Variants in TUT4 observed in about 807,000 individuals in gnomAD.
TUT4 encodes terminal uridylyl transferase 4, also known as terminal uridylyltransferase 4.
A neutral mutation model predicts 192.2 loss-of-function variants in TUT4; 36 were observed. The ratio of observed to expected loss-of-function variants is 0.19; its 90% CI spans 0.14 to 0.25. The LOEUF is 0.25. TUT4 is among the 10% of genes least tolerant of loss of function. TUT4 has a pLI of 1.00. For missense variants in TUT4, 1,493 were observed against 1,957.2 expected, an observed-to-expected ratio of 0.76 and a Z score of 4.47; for synonymous variants, 618 against 666.0, an observed-to-expected ratio of 0.93 and a Z score of 1.11.
chr1:52,538,348 G>C (rs562187148), intron 1 of TUT4, among the ~76,000 whole-genome samples: 1 of 152,112 alleles, frequency 6.6e-6, no homozygotes, highest in African/African-American at 2.4e-5. Context: ...ACAAATAAAT[G>C]CTCTTGTTTT....
chr1:52,512,987 G>A (rs774918529), intron 3 of TUT4, among the ~76,000 whole-genome samples: 7 of 151,980 alleles, frequency 4.6e-5, no homozygotes, highest in Non-Finnish European at 7.4e-5. Context: ...GCCAGTTGTG[G>A]TAGCGCATGC....
At chr1:52,471,786 T>C (rs1179253683) in intron 14 of TUT4, among the ~76,000 whole-genome samples, 166 bp downstream of exon 14, 2 of 147,838 alleles carry the variant, frequency 1.4e-5, no homozygotes, top group East Asian at 3.8e-4. Context: ...GCATTTACCA[T>C]GATGCCCTGC....
chr1:52,519,878 G>T (rs1470801093), intron 2 of TUT4, among the ~76,000 whole-genome samples: 1 of 151,910 alleles, frequency 6.6e-6, no homozygotes, highest in Non-Finnish European at 1.5e-5. Context: ...ACTTTAAAAG[G>T]ATGAATTTTA....
intron 3 of TUT4, among the ~76,000 whole-genome samples, chr1:52,511,322 G>C (rs763362560): frequency 6.6e-6 from 1 of 152,166 alleles, no homozygotes; most frequent in Non-Finnish European, 1.5e-5. Context: ...AATGAATTAA[G>C]TCCTCAAAGA....
chr1:52,483,984 A>G (rs1420307429), intron 9 of TUT4, among the ~76,000 whole-genome samples: 1 of 152,062 alleles, frequency 6.6e-6, no homozygotes, highest in African/African-American at 2.4e-5. Context: ...GTCTCTAAAA[A>G]TATATATAAT....
chr1:52,513,393 C>CAAAAAAAAAAAAAAAAAAA (rs554170439), intron 3 of TUT4, among the ~76,000 whole-genome samples: 7 of 42,116 alleles, frequency 1.7e-4, no homozygotes, highest in African/African-American at 8.7e-4. Flanking sequence ...GACCCTGTCT[C>CAAAAAAAAAAAAAAAAAAA]AAAAAAAAAA....
chr1:52,534,507 A>G (rs779204087), intron 1 of TUT4, among the ~76,000 whole-genome samples: 83 of 152,242 alleles, frequency 5.5e-4, no homozygotes, highest in Admixed American at 1.4e-3. Context: ...ATAAAACTGC[A>G]TATTTGAAAT....
chr1:52,436,091 TAAC>T (rs1295259082), intron 26 of TUT4, among the ~76,000 whole-genome samples: 5 of 152,172 alleles, frequency 3.3e-5, no homozygotes, highest in Non-Finnish European at 5.9e-5. Context: ...CCTTCTCTCA[TAAC>T]AGCAGTGGGA....
intron 28 of TUT4, 98 bp downstream of exon 28, chr1:52,430,915 C>G (rs1189233418): frequency 5.8e-6 from 8 of 1,370,748 alleles, no homozygotes; most frequent in Non-Finnish European, 7.9e-6. Context: ...GTCCCCTCCA[C>G]AAATACTGCT....
chr1:52,499,386 A>G (rs1216875401), intron 4 of TUT4, among the ~76,000 whole-genome samples: 1 of 152,142 alleles, frequency 6.6e-6, no homozygotes. Context: ...CAACAGAGCA[A>G]GACTCTGTCT....
At chr1:52,535,794 A>G (rs1333189436) in intron 1 of TUT4, among the ~76,000 whole-genome samples, 2 of 152,214 alleles carry the variant, frequency 1.3e-5, no homozygotes, top group East Asian at 1.9e-4. Context: ...TAACTCATCA[A>G]ACAAAAGTTA....
intron 1 of TUT4, among the ~76,000 whole-genome samples, chr1:52,548,256 CAATT>C (rs779103103): frequency 2.0e-5 from 3 of 151,932 alleles, no homozygotes; most frequent in Non-Finnish European, 2.9e-5. Flanking sequence ...AATGACTGGT[CAATT>C]AAATTATTTA....
At chr1:52,496,270 C>T (rs1233420214) in intron 5 of TUT4, among the ~76,000 whole-genome samples, 2 of 152,114 alleles carry the variant, frequency 1.3e-5, no homozygotes, top group South Asian at 2.1e-4. Context: ...CATAAAAATT[C>T]ATTCCTTTTC....
chr1:52,451,081 C>T (rs573098923), intron 20 of TUT4, among the ~76,000 whole-genome samples: 106 of 151,894 alleles, frequency 7.0e-4, no homozygotes, highest in Admixed American at 6.0e-3. Context: ...CTGGCTAACA[C>T]GGTGAAACCC....
At chr1:52,520,495 T>C (rs944511977) in intron 2 of TUT4, among the ~76,000 whole-genome samples, 4 of 152,156 alleles carry the variant, frequency 2.6e-5, no homozygotes, top group African/African-American at 9.7e-5. Flanking sequence ...TCAGGCCTTA[T>C]CCTAGGCTTT....
chr1:52,531,656 A>G (rs1359288163), intron 1 of TUT4, among the ~76,000 whole-genome samples: 3 of 152,144 alleles, frequency 2.0e-5, no homozygotes, highest in African/African-American at 7.2e-5. Context: ...CATGAAATCC[A>G]AAAGATGTTT....
chr1:52,511,614 G>A (rs1250917348), intron 3 of TUT4, among the ~76,000 whole-genome samples: 2 of 152,014 alleles, frequency 1.3e-5, no homozygotes, highest in Non-Finnish European at 2.9e-5. Context: ...TAAGCTGTGT[G>A]GATATCTGAA....
intron 4 of TUT4, among the ~76,000 whole-genome samples, chr1:52,501,257 A>T (rs1211209841): frequency 6.6e-6 from 1 of 152,232 alleles, no homozygotes; most frequent in Non-Finnish European, 1.5e-5. Context: ...TAAACTCAAC[A>T]ATAAGAAAAC....
rs748240683 is a variant in TUT4, at chr1:52,446,569, TA to T, written c.3513+20del. ...ATATATCAGTGAGCATTCTAGAACATAAAGACTATTTTAAAATTACCAGTTC... is the reference window on the plus strand; with the variant it reads ...ATATATCAGTGAGCATTCTAGAACATAAGACTATTTTAAAATTACCAGTTC... On this transcript the variant is annotated intron_variant, in intron 21 of 29. Transcript: ENST00000257177. 1 of 1,587,168 alleles carries T rather than the reference TA, an allele frequency of 6.3e-7. No individual in the cohort carries two copies. Among genetic ancestry groups the T allele is most frequent in the Non-Finnish European group, 8.6e-7 (1 of 1,166,884 alleles).
Sources: allele counts gnomAD v4.1 joint callset (sites outside exome capture counted in the v4.1 genomes callset), GRCh38; gene constraint gnomAD v4.1.1; transcripts MANE v1.5; gene names NCBI Gene and HGNC (gene_info 2026-07-23, HGNC 2026-07-21).